Variants in HS1BP3 observed in about 807,000 individuals in gnomAD.
HS1BP3 encodes the protein HCLS1-binding protein 3.
Under a neutral mutation model 33.5 loss-of-function variants are expected in HS1BP3, and 32 were observed. The ratio of observed to expected loss-of-function variants is 0.95; its 90% CI spans 0.72 to 1.28. The LOEUF is 1.28. Among genes scored for constraint, HS1BP3 ranks in the 50% most tolerant of loss-of-function variants. The pLI, the probability that HS1BP3 is intolerant of heterozygous loss-of-function variation, is 0.00. For missense variants in HS1BP3, 486 were observed against 502.3 expected (o/e 0.97, Z 0.31); for synonymous variants, 187 against 209.2 (o/e 0.89, Z 0.92).
intron 5 of HS1BP3, among the ~76,000 whole-genome samples, chr2:20,570,080 T>A (rs1001716174): frequency 6.6e-6 from 1 of 152,050 alleles, no homozygotes; most frequent in African/African-American, 2.4e-5. Context: ...ATCAGTCTAC[T>A]CCCCTAACCC....
At chr2:20,586,048 C>T (rs1184309396) in intron 5 of HS1BP3, among the ~76,000 whole-genome samples, 1 of 152,234 alleles carries the variant, frequency 6.6e-6, no homozygotes, top group East Asian at 1.9e-4. Context: ...ACCGTGGCTG[C>T]ACTGCCGAGG....
At chr2:20,554,533 G>A in the HS1BP3 span, among the ~76,000 whole-genome samples, 3 of 152,136 alleles carry the variant, frequency 2.0e-5, no homozygotes, top group Non-Finnish European at 2.9e-5. Context: ...GACCAGCCTG[G>A]CCAACATGGT....
chr2:20,571,252 C>G (rs1693264321), intron 5 of HS1BP3, among the ~76,000 whole-genome samples: 1 of 152,202 alleles, frequency 6.6e-6, no homozygotes, highest in Admixed American at 6.5e-5. Context: ...GCCTTTCCCC[C>G]AGCCTTGCTC....
chr2:20,620,086 C>A (rs1694548737), intron 6 of HS1BP3, among the ~76,000 whole-genome samples: 1 of 152,260 alleles, frequency 6.6e-6, no homozygotes, highest in Non-Finnish European at 1.5e-5. Context: ...CACTGATTCT[C>A]CAGAACTTGA....
chr2:20,634,207 G>A (rs951971036), intron 4 of HS1BP3, among the ~76,000 whole-genome samples: 13 of 152,328 alleles, frequency 8.5e-5, no homozygotes, highest in African/African-American at 3.1e-4. Context: ...CTGTGGTGAC[G>A]GCTGACCTGC....
intron 4 of HS1BP3, chr2:20,638,113 T>C (rs1695206696): frequency 2.0e-6 from 1 of 501,300 alleles, no homozygotes; most frequent in Non-Finnish European, 3.5e-6. Flanking sequence ...CCTCCCACAC[T>C]AGCCGGACAG....
rs531392318 is a variant in HS1BP3 at position 20,601,000 on chromosome 2, A to G, written c.179-2735T>C. ...AAACTTTCTTTTTAACTAATATTTT[A>G]TTAATTCAAGTACCAATACTTAAAA... On this transcript the variant is annotated intron_variant, in intron 2 of 3. Transcript: ENST00000415264. Among the ~76,000 whole-genome samples, 4 of 152,338 alleles carry G rather than the reference A, an allele frequency of 2.6e-5. No homozygotes were observed. The South Asian group carries it at 8.3e-4, about 32-fold the overall frequency.
chr2:20,626,784 C>T (rs1194743182), intron 4 of HS1BP3, among the ~76,000 whole-genome samples: 1 of 152,190 alleles, frequency 6.6e-6, no homozygotes, highest in Non-Finnish European at 1.5e-5. Context: ...CTCGATTCTC[C>T]ACCCTAAGGG....
At chr2:20,568,463 A>C (rs1360080130) in intron 5 of HS1BP3, among the ~76,000 whole-genome samples, 2 of 152,100 alleles carry the variant, frequency 1.3e-5, no homozygotes, top group Non-Finnish European at 2.9e-5. Flanking sequence ...TTCAGTGTTC[A>C]CTCGGGGTGA....
chr2:20,641,082 A>G lies in HS1BP3; in HGVS notation c.297T>C (p.Phe99=), dbSNP rs747960828. Residue 99 remains phenylalanine (F), a synonymous_variant, in exon 3 of 7, where the codon TTT becomes TTC. Coordinates refer to ENST00000304031, the MANE Select transcript of HS1BP3 (RefSeq NM_022460.4). ...SLPPLPRKVL[F]VGESDIRERR... ...TCTCCCGGATGTCAGACTCCCCAAC[A>G]AACAGGACCTTCCTGGGTAGTGGGG... is the stretch of plus-strand genomic sequence containing the variant. The G allele has an allele frequency of 1.9e-6, 3 of 1,614,040 alleles. No homozygotes were observed. The highest frequency in any genetic ancestry group is 2.5e-6 in the Non-Finnish European group (3 of 1,180,030).
downstream of HS1BP3, among the ~76,000 whole-genome samples, chr2:20,560,075 A>G (rs114201733): frequency 6.7e-3 from 1,017 of 152,244 alleles, 15 homozygotes; most frequent in Middle Eastern, 0.031. Flanking sequence ...CCCAGCACAT[A>G]CAAGCAGGGC....
At chr2:20,583,809 G>A (rs1693617203) in intron 5 of HS1BP3, among the ~76,000 whole-genome samples, 1 of 152,170 alleles carries the variant, frequency 6.6e-6, no homozygotes, top group African/African-American at 2.4e-5. Flanking sequence ...AGTGCTCAGT[G>A]GACCGTGCTG....
rs764480210 is a variant in HS1BP3 at position 20,638,451 on chromosome 2, G to A, written c.608C>T (p.Pro203Leu). The change falls in exon 4 of 7, where the codon CCT (proline) becomes CTT (leucine). Residue 203 changes from proline (P) to leucine (L), a missense_variant. Pro to Leu is a moderately conservative substitution (Grantham distance 98, BLOSUM62 -3). Transcript: ENST00000304031. ...ESLEEEEALD[P>L]LGIMRSKKPK... is the part of the protein sequence containing the mutation. The stretch of plus-strand genomic sequence containing the variant: ...GGAGACCAACCGCATAATGCCCAGA[G>A]GGTCCAGCGCCTCCTCCTCCTCCAA... 1.9e-6 allele frequency: 3 copies of A among 1,614,082 alleles called. No individual in the cohort carries two copies. In the African/African-American group the frequency reaches 4.0e-5, roughly 22 times the overall value.
chr2:20,589,328 C>A (rs1473838797), downstream of HS1BP3, among the ~76,000 whole-genome samples: 1 of 152,190 alleles, frequency 6.6e-6, no homozygotes, highest in South Asian at 2.1e-4. Flanking sequence ...TGTTGGGGGG[C>A]TCTGACATGG....
Position 20,618,868 on chromosome 2 carries a change from G to A in HS1BP3, c.*119C>T. ...TGCAGTTCTGGGTGCTGTGACCCAGGCTTCTGCCTGGCCTCCCCTGGGGGT... is the reference window on the plus strand; with the variant it reads ...TGCAGTTCTGGGTGCTGTGACCCAGACTTCTGCCTGGCCTCCCCTGGGGGT... On this transcript the variant is annotated 3_prime_UTR_variant, in exon 7 of 7. Coordinates refer to ENST00000304031, the MANE Select transcript of HS1BP3 (RefSeq NM_022460.4). 4 of 1,450,412 alleles carry A rather than the reference G, an allele frequency of 2.8e-6. No homozygotes were observed. Among genetic ancestry groups the A allele is most frequent in the South Asian group, 1.4e-5 (1 of 69,394 alleles). The allele number at this position is 1,450,412 out of a possible 1,614,324, so 89.8% of individuals were successfully genotyped here.
chr2:20,578,071 C>T (rs190630980), intron 5 of HS1BP3, among the ~76,000 whole-genome samples: 1 of 152,300 alleles, frequency 6.6e-6, no homozygotes, highest in African/African-American at 2.4e-5. Context: ...GGACCTCTGG[C>T]ATGGAACACT....
At chr2:20,594,078 G>A (rs1037184975) in intron 3 of HS1BP3, among the ~76,000 whole-genome samples, 5 of 152,206 alleles carry the variant, frequency 3.3e-5, no homozygotes, top group African/African-American at 1.2e-4. Flanking sequence ...TCTGGGCATC[G>A]ACCCATCGGG....
intron 5 of HS1BP3, among the ~76,000 whole-genome samples, chr2:20,586,842 C>T (rs574161322): frequency 4.6e-5 from 7 of 152,188 alleles, no homozygotes; most frequent in Admixed American, 2.0e-4. Context: ...TGAACATTTG[C>T]GTTTCGTTAA....
intron 2 of HS1BP3, among the ~76,000 whole-genome samples, chr2:20,599,031 CG>C (rs973729596): frequency 6.6e-6 from 1 of 152,122 alleles, no homozygotes; most frequent in Non-Finnish European, 1.5e-5. Flanking sequence ...GGGGTGAGGT[CG>C]GTGGAAACCA....
Sources: allele counts gnomAD v4.1 joint callset (sites outside exome capture counted in the v4.1 genomes callset), GRCh38; gene constraint gnomAD v4.1.1; transcripts MANE v1.5; gene names NCBI Gene and HGNC (gene_info 2026-07-23, HGNC 2026-07-21).